DGKI: variants seen among roughly 807,000 people sequenced by gnomAD.
The protein encoded by DGKI is DAG kinase iota.
Under a neutral mutation model 147.5 loss-of-function variants are expected in DGKI, and 55 were observed. That is an observed-to-expected ratio of 0.37 (90% CI 0.30 to 0.47). The LOEUF (loss-of-function observed/expected upper bound fraction) is 0.47, where lower values mean the gene tolerates loss of function less well. Ranked by LOEUF, DGKI falls within the 20% of genes least tolerant of loss-of-function variation. The probability of loss-of-function intolerance (pLI) is 1.00; values close to 1 mark genes in which losing one functional copy is unlikely to be tolerated. For synonymous variants in DGKI, 469 were observed against 477.1 expected (o/e 0.98, Z 0.22); for missense variants, 1,007 against 1,323.8 (o/e 0.76, Z 3.71).
At chr7:137,402,871 G>T (rs372341368) in intron 30 of DGKI, among the ~76,000 whole-genome samples, 1 of 152,048 alleles carries the variant, frequency 6.6e-6, no homozygotes, top group African/African-American at 2.4e-5. Context: ...TAAAAAAAGA[G>T]AAAAGAAAGA....
chr7:137,804,241 G>A (rs1797297975), intron 1 of DGKI, among the ~76,000 whole-genome samples: 1 of 152,186 alleles, frequency 6.6e-6, no homozygotes, highest in Admixed American at 6.5e-5. Context: ...AGCTTGTGCA[G>A]TTATTTAGCC....
chr7:137,752,891 C>T (rs941718349), intron 1 of DGKI, among the ~76,000 whole-genome samples: 1 of 152,192 alleles, frequency 6.6e-6, no homozygotes, highest in Non-Finnish European at 1.5e-5. Context: ...CCTCCACTCA[C>T]CAGCCATCTG....
chr7:137,528,899 C>T (rs1204527595), intron 20 of DGKI, among the ~76,000 whole-genome samples: 1 of 152,126 alleles, frequency 6.6e-6, no homozygotes, highest in Non-Finnish European at 1.5e-5. Context: ...AGCCCATCTA[C>T]CACCATTTTT....
At chr7:137,740,189 A>G (rs1004945766) in intron 1 of DGKI, among the ~76,000 whole-genome samples, 1 of 152,232 alleles carries the variant, frequency 6.6e-6, no homozygotes, top group African/African-American at 2.4e-5. Context: ...AGATACATAC[A>G]TGCAGAAATC....
intron 1 of DGKI, among the ~76,000 whole-genome samples, chr7:137,838,645 A>C (rs1798456993): frequency 6.6e-6 from 1 of 152,240 alleles, no homozygotes; most frequent in Non-Finnish European, 1.5e-5. Context: ...CATGATACAC[A>C]AAAGCAGTCC....
At chr7:137,460,413 A>G (rs1476351114) in intron 27 of DGKI, among the ~76,000 whole-genome samples, 4 of 152,236 alleles carry the variant, frequency 2.6e-5, no homozygotes, top group Non-Finnish European at 5.9e-5. Flanking sequence ...AAAAACCCAC[A>G]TATATCAATA....
chr7:137,492,660 G>A (rs979984071), intron 21 of DGKI, among the ~76,000 whole-genome samples: 4 of 152,148 alleles, frequency 2.6e-5, no homozygotes, highest in Admixed American at 6.5e-5. Context: ...GGAGCCCAGA[G>A]GGTTTGGTGC....
intron 20 of DGKI, among the ~76,000 whole-genome samples, chr7:137,530,112 T>C (rs1817289147): frequency 6.6e-6 from 1 of 152,166 alleles, no homozygotes; most frequent in African/African-American, 2.4e-5. Flanking sequence ...GAACAACTCA[T>C]TGCCCCAGAA....
chr7:137,585,520 AG>A (rs1184454226), intron 13 of DGKI, among the ~76,000 whole-genome samples, 174 bp from the exon 14 acceptor site: 1 of 152,234 alleles, frequency 6.6e-6, no homozygotes, highest in Non-Finnish European at 1.5e-5. Context: ...ACTATAAGTA[AG>A]ATACATAGAA....
chr7:137,663,395 A>G (rs1368940165), intron 3 of DGKI, among the ~76,000 whole-genome samples: 1 of 152,242 alleles, frequency 6.6e-6, no homozygotes, highest in Non-Finnish European at 1.5e-5. Context: ...CAGAGAAAGC[A>G]AATTCTTTAA....
intron 2 of DGKI, among the ~76,000 whole-genome samples, chr7:137,682,772 C>T (rs891128331): frequency 6.6e-5 from 10 of 152,180 alleles, no homozygotes; most frequent in African/African-American, 2.4e-4. Flanking sequence ...ATTAAATCCT[C>T]CCACATACAT....
rs528649501 is a variant in DGKI, at chr7:137,618,360, A to T, written c.993+1464T>A. Reference sequence around the variant, plus strand: ...CCACGGATATAATTTTGGACACAGTACTCATGCCTGTGTGCCATTCTCCTG... The same window carrying T: ...CCACGGATATAATTTTGGACACAGTTCTCATGCCTGTGTGCCATTCTCCTG... On this transcript the variant is annotated intron_variant, in intron 8 of 32. Coordinates refer to ENST00000614521, the MANE Select transcript of DGKI (RefSeq NM_001321708.2). Among the ~76,000 whole-genome samples the T allele has an allele frequency of 2.7e-5, 4 of 150,758 alleles. No homozygotes were observed. The East Asian group carries it at 7.9e-4, about 30-fold the overall frequency.
intron 5 of DGKI, among the ~76,000 whole-genome samples, chr7:137,651,103 T>A (rs1822012084): frequency 1.3e-5 from 2 of 152,218 alleles, no homozygotes; most frequent in South Asian, 4.1e-4. Context: ...GAAAATTATA[T>A]TAGGCTGGCT....
chr7:137,516,617 C>T (rs1031765607), intron 21 of DGKI, among the ~76,000 whole-genome samples: 1 of 151,644 alleles, frequency 6.6e-6, no homozygotes, highest in Non-Finnish European at 1.5e-5. Context: ...TCTTCCAACC[C>T]CTGCTCACGG....
At position 137,645,571 on chromosome 7, in the gene DGKI, A is replaced by T. The variant is rs1176435256; in HGVS notation, c.739-34T>A. ...AAACAAAATTAAATGAATATTTTTA[A>T]AAATTTATTTCTATAGACAGGGTCT... On this transcript the variant is annotated intron_variant, in intron 5 of 32. Transcript: ENST00000614521. The T allele has an allele frequency of 2.5e-6, 4 of 1,576,656 alleles. No individual in the cohort carries two copies. In the East Asian group the frequency reaches 7.1e-5, roughly 28 times the overall value.
At chr7:137,429,150 C>T (rs567404872) in intron 28 of DGKI, among the ~76,000 whole-genome samples, 126 of 152,276 alleles carry the variant, frequency 8.3e-4, no homozygotes, top group Admixed American at 7.2e-4. Context: ...TGACTTCAAA[C>T]TATACTACAA....
intron 28 of DGKI, among the ~76,000 whole-genome samples, chr7:137,432,183 T>C (rs756060251): frequency 6.6e-6 from 1 of 152,200 alleles, no homozygotes; most frequent in Non-Finnish European, 1.5e-5. Context: ...GTATAGCCTG[T>C]GGAACCATGA....
Position 137,846,134 on chromosome 7 carries a change from TTCTC to T in DGKI, c.401+324_401+327del, listed in dbSNP as rs775814446. ...TCTGCAACCCTTTCTCTCTCTCTCT[TTCTC>T]TCTCTCTCTCTCTCTCTCTCTCTCA... On this transcript the variant is annotated intron_variant, in intron 1 of 32. Transcript: ENST00000614521. The surrounding 1 kb of genome is among the most constrained non-coding windows in gnomAD (Gnocchi z 4.0). Among the ~76,000 whole-genome samples the T allele has an allele frequency of 2.3e-3, 194 of 85,366 alleles. No individual in the cohort carries two copies. The highest frequency in any genetic ancestry group is 0.015 in the Middle Eastern group (2 of 136). 56.0% of individuals were successfully genotyped at this position (85,366 alleles called of 152,430 possible).
In DGKI at chr7:137,825,197, TTAAA is replaced by T. The variant is rs553839670; in HGVS notation, c.401+21261_401+21264del. ...AAGTCTTGCTTATATATTACTTTGGTTAAATAAATATTATATTTAACAACGAAAC... is the reference window on the plus strand; with the variant it reads ...AAGTCTTGCTTATATATTACTTTGGTTAAATATTATATTTAACAACGAAAC... On this transcript the variant is annotated intron_variant, in intron 1 of 32. Coordinates refer to ENST00000614521, the MANE Select transcript of DGKI (RefSeq NM_001321708.2). Among the ~76,000 whole-genome samples, 153 of 152,276 alleles carry T rather than the reference TTAAA, an allele frequency of 1.0e-3. 1 individual carries two copies. Among genetic ancestry groups the T allele is most frequent in the African/African-American group, 3.6e-3 (151 of 41,548 alleles).
Sources: gnomAD v4.1 joint callset for allele counts (sites outside exome capture counted in the v4.1 genomes callset) on GRCh38, gnomAD v4.1.1 for gene constraint, Gnocchi (gnomAD v3.1) non-coding constraint, MANE v1.5 for transcripts, NCBI Gene and HGNC (gene_info 2026-07-23, HGNC 2026-07-21) for gene names.